Variants in CDH1 observed in about 807,000 individuals in gnomAD.
The protein encoded by CDH1 is cadherin-1.
In CDH1, 35 loss-of-function variants were observed where a neutral mutation model predicts 84.5. The ratio of observed to expected loss-of-function variants is 0.41; its 90% CI spans 0.32 to 0.55. CDH1 has a LOEUF of 0.55. Among genes scored for constraint, CDH1 ranks in the 20% least tolerant of loss-of-function variants. The pLI is 0.19. For missense variants in CDH1, 994 were observed against 1,126.6 expected, an observed-to-expected ratio of 0.88 and a Z score of 1.68; for synonymous variants, 417 against 439.0, an observed-to-expected ratio of 0.95 and a Z score of 0.63.
chr16:68,833,065 A>C (rs1596975835), intron 15 of CDH1, among the ~76,000 whole-genome samples: 1 of 152,302 alleles, frequency 6.6e-6, no homozygotes, highest in South Asian at 2.1e-4. Context: ...TCCTGCCTAC[A>C]TATAACTCAC....
chr16:68,794,332 AC>A (rs1219381647), intron 2 of CDH1, among the ~76,000 whole-genome samples: 1 of 151,942 alleles, frequency 6.6e-6, no homozygotes, highest in African/African-American at 2.4e-5. Flanking sequence ...GAGCCACCAT[AC>A]CTGGCCGTGT....
intron 13 of CDH1, among the ~76,000 whole-genome samples, chr16:68,825,457 G>A (rs1961295400): frequency 6.6e-6 from 1 of 152,180 alleles, no homozygotes. Flanking sequence ...TTGAGCATGG[G>A]TGCCATTGAT....
intron 3 of CDH1, among the ~76,000 whole-genome samples, chr16:68,806,891 G>T (rs941736652): frequency 6.6e-6 from 1 of 152,176 alleles, no homozygotes. Context: ...CCAGTGTGCA[G>T]CATTGGGGAA....
chr16:68,827,227 C>T (rs1002180998), intron 13 of CDH1, among the ~76,000 whole-genome samples: 3 of 151,700 alleles, frequency 2.0e-5, no homozygotes, highest in Non-Finnish European at 2.9e-5. Context: ...GCTGAGATTG[C>T]GCCACTACAC....
Position 68,815,773 on chromosome 16 carries a change from T to C in CDH1, c.1565+14T>C. The C allele has an allele frequency of 6.2e-7, 1 of 1,614,156 alleles. No homozygotes were observed. The highest frequency in any genetic ancestry group is 8.5e-7 in the Non-Finnish European group (1 of 1,180,014). On this transcript the variant is annotated intron_variant, in intron 10 of 15. Transcript: ENST00000261769. ...ACAGAAAATAACGTAAGTGTGAGGA[T>C]TTTTCAACTGACTTGCAGCAACTGG...
chr16:68,755,330 A>T (rs1962992204), intron 2 of CDH1, among the ~76,000 whole-genome samples: 1 of 149,100 alleles, frequency 6.7e-6, no homozygotes, highest in African/African-American at 2.5e-5. Context: ...TCTTGAGGGG[A>T]CTGGACTTCT....
chr16:68,756,715 T>TA (rs1963027185), intron 2 of CDH1, among the ~76,000 whole-genome samples: 1 of 152,162 alleles, frequency 6.6e-6, no homozygotes, highest in South Asian at 2.1e-4. Flanking sequence ...AGTCTGCATT[T>TA]AAAAAGAGGC....
rs373605261 is a variant in CDH1 at position 68,819,284 on chromosome 16, C to G, written c.1570C>G (p.Arg524Gly). 15 of 1,614,090 alleles carry G rather than the reference C, an allele frequency of 9.3e-6. No individual in the cohort carries two copies. Among genetic ancestry groups the G allele is most frequent in the African/African-American group, 4.0e-5 (3 of 74,918 alleles). The stretch of plus-strand genomic sequence containing the variant: ...CCAGAGCTTGTCCCCGTTCAGATAT[C>G]GGATTTGGAGAGACACTGCCAACTG... ...DTFMEQKITY[R>G]IWRDTANWLE... The change falls in exon 11 of 16, where the codon CGG becomes GGG. Residue 524 changes from arginine (R) to glycine (G), a missense_variant. Coordinates refer to ENST00000261769, the MANE Select transcript of CDH1 (RefSeq NM_004360.5).
chr16:68,764,263 C>CT (rs1959306922), intron 2 of CDH1, among the ~76,000 whole-genome samples: 1 of 152,112 alleles, frequency 6.6e-6, no homozygotes, highest in Non-Finnish European at 1.5e-5. Context: ...AGGGCTAACT[C>CT]TGAGTGGAAT....
In CDH1 at chr16:68,834,019, C is replaced by T; in HGVS notation, c.*520C>T. On this transcript the variant is annotated 3_prime_UTR_variant, in exon 16 of 16. Coordinates refer to ENST00000261769, the MANE Select transcript of CDH1 (RefSeq NM_004360.5). The stretch of plus-strand genomic sequence containing the variant: ...TCGGCCAGGCTGGAGTGCAGTGGTG[C>T]AATCACAGCTCACTGCAGCCTTGTC... The T allele has an allele frequency of 2.9e-6, 1 of 348,570 alleles. No individual in the cohort carries two copies. Among genetic ancestry groups the T allele is most frequent in the Non-Finnish European group, 5.4e-6 (1 of 184,644 alleles). 21.6% of individuals were successfully genotyped at this position (348,570 alleles called of 1,614,324 possible).
intron 5 of CDH1, 156 bp downstream of exon 5, chr16:68,809,004 C>T (rs907822066): frequency 1.7e-5 from 12 of 713,004 alleles, no homozygotes; most frequent in African/African-American, 7.1e-5. Context: ...GATGGGAGAA[C>T]GTGGGACAGT....
intron 2 of CDH1, among the ~76,000 whole-genome samples, chr16:68,746,367 G>T (rs1292671265): frequency 6.6e-6 from 1 of 152,088 alleles, no homozygotes; most frequent in Non-Finnish European, 1.5e-5. Flanking sequence ...GGAGGATGCA[G>T]TGAGCCGAGA....
At chr16:68,749,551 CTATTT>C (rs1477876500) in intron 2 of CDH1, among the ~76,000 whole-genome samples, 1 of 152,214 alleles carries the variant, frequency 6.6e-6, no homozygotes, top group Non-Finnish European at 1.5e-5. Context: ...TGAAAGACAA[CTATTT>C]GTGTCCATTT....
At chr16:68,755,148 A>G (rs923081983) in intron 2 of CDH1, among the ~76,000 whole-genome samples, 1 of 151,842 alleles carries the variant, frequency 6.6e-6, no homozygotes, top group Admixed American at 6.6e-5. Flanking sequence ...GTAGTGGCAT[A>G]TGCTTGTAGT....
chr16:68,783,916 A>G (rs1017724046), intron 2 of CDH1, among the ~76,000 whole-genome samples: 1 of 152,076 alleles, frequency 6.6e-6, no homozygotes, highest in Non-Finnish European at 1.5e-5. Flanking sequence ...ACCTCAAGCA[A>G]TCTACCCACC....
chr16:68,797,857 T>A (rs1043739377), intron 2 of CDH1, among the ~76,000 whole-genome samples: 9 of 152,184 alleles, frequency 5.9e-5, no homozygotes, highest in African/African-American at 1.7e-4. Context: ...GGCGGGCAGA[T>A]CACTTGAGGT....
intron 12 of CDH1, 165 bp from the exon 13 acceptor site, chr16:68,823,234 C>T: frequency 1.7e-6 from 1 of 603,672 alleles, no homozygotes. Flanking sequence ...AAGCTTTTTA[C>T]AGCAAAAAAA....
At position 68,748,044 on chromosome 16, in the gene CDH1, G is replaced by A. The variant is rs544858239; in HGVS notation, c.163+9633G>A. 1.9e-4 allele frequency among the ~76,000 whole-genome samples: 29 copies of A among 151,388 alleles called. 1 individual carries two copies. Among genetic ancestry groups the A allele is most frequent in the African/African-American group, 6.5e-4 (27 of 41,242 alleles). On this transcript the variant is annotated intron_variant, in intron 2 of 15. Coordinates refer to ENST00000261769, the MANE Select transcript of CDH1 (RefSeq NM_004360.5). ...TTCCCAAAGTGCTGGGATTACAGGC[G>A]TGAGCCACCGTGCCTGGCCCATTTT...
Position 68,819,332 on chromosome 16 carries a change from G to A in CDH1, c.1618G>A (p.Gly540Ser), listed in dbSNP as rs2152136841. 6.2e-7 allele frequency: 1 copy of A among 1,614,138 alleles called. No homozygotes were observed. The highest frequency in any genetic ancestry group is 8.5e-7 in the Non-Finnish European group (1 of 1,180,016). ...ANWLEINPDTGAISTRAELDR... is the reference protein window; with the variant it reads ...ANWLEINPDTSAISTRAELDR... Reference sequence around the variant, plus strand: ...CTGGCTGGAGATTAATCCGGACACTGGTGCCATTTCCACTCGGGCTGAGCT... The same window carrying A: ...CTGGCTGGAGATTAATCCGGACACTAGTGCCATTTCCACTCGGGCTGAGCT... Residue 540 changes from glycine (G) to serine (S), a missense_variant, in exon 11 of 16, where the codon GGT becomes AGT. By Grantham distance (56) the Gly-to-Ser change is moderately conservative (BLOSUM62 0). This residue lies in a region of CDH1 where 769 missense variants were observed against 881.8 expected (regional missense o/e 0.87). Transcript: ENST00000261769.
Sources: allele counts gnomAD v4.1 joint callset (sites outside exome capture counted in the v4.1 genomes callset), GRCh38; gene constraint gnomAD v4.1.1; regional missense constraint gnomAD v4.1.1; transcripts MANE v1.5; gene names NCBI Gene and HGNC (gene_info 2026-07-23, HGNC 2026-07-21).